DLG2: variants seen among roughly 807,000 people sequenced by gnomAD.
DLG2 encodes the protein discs large MAGUK scaffold protein 2.
DLG2 carries 45 observed loss-of-function variants against 132.5 expected under a neutral mutation model. The ratio of observed to expected loss-of-function variants is 0.34; its 90% CI spans 0.27 to 0.44. The LOEUF (loss-of-function observed/expected upper bound fraction) is 0.44, where lower values mean the gene tolerates loss of function less well. Ranked by LOEUF, DLG2 falls within the 20% of genes least tolerant of loss-of-function variation. The probability of loss-of-function intolerance (pLI) is 1.00; values close to 1 mark genes in which losing one functional copy is unlikely to be tolerated. For missense variants in DLG2, 1,045 were observed against 1,196.9 expected, an observed-to-expected ratio of 0.87 and a Z score of 1.87; for synonymous variants, 424 against 419.6, an observed-to-expected ratio of 1.01 and a Z score of -0.13.
At chr11:84,172,029 T>C (rs2095836104) in intron 8 of DLG2, among the ~76,000 whole-genome samples, 1 of 152,178 alleles carries the variant, frequency 6.6e-6, no homozygotes, top group African/African-American at 2.4e-5. Flanking sequence ...CTAAAAGACC[T>C]GGATTCCATA....
chr11:83,460,730 A>G (rs1385948908), intron 27 of DLG2, among the ~76,000 whole-genome samples: 2 of 152,252 alleles, frequency 1.3e-5, no homozygotes, highest in Admixed American at 6.5e-5. Context: ...GATGATTTAG[A>G]TATTTAAAAA....
chr11:84,477,939 T>G (rs2099126213), intron 7 of DLG2, among the ~76,000 whole-genome samples: 1 of 152,188 alleles, frequency 6.6e-6, no homozygotes, highest in South Asian at 2.1e-4. Context: ...ATTACATGTA[T>G]TCACTACTTT....
At chr11:83,888,902 T>G (rs1333891276) in intron 15 of DLG2, among the ~76,000 whole-genome samples, 1 of 152,200 alleles carries the variant, frequency 6.6e-6, no homozygotes, top group Non-Finnish European at 1.5e-5. Flanking sequence ...TGGCTAGCCA[T>G]ATGTAGAAAG....
chr11:83,965,283 G>A (rs777874767), intron 13 of DLG2, 41 bp downstream of exon 13: 2 of 1,565,336 alleles, frequency 1.3e-6, no homozygotes, highest in Non-Finnish European at 1.7e-6. Context: ...TTCCAGTTCT[G>A]CAAGTCTGGC....
At chr11:84,755,167 A>G (rs1237784345) in intron 6 of DLG2, among the ~76,000 whole-genome samples, 1 of 152,198 alleles carries the variant, frequency 6.6e-6, no homozygotes, top group Non-Finnish European at 1.5e-5. Flanking sequence ...CCTAGATGTT[A>G]CAGTGAATGT....
intron 6 of DLG2, among the ~76,000 whole-genome samples, chr11:84,915,948 C>T (rs1304534441): frequency 6.6e-6 from 1 of 152,164 alleles, no homozygotes; most frequent in African/African-American, 2.4e-5. Context: ...ACTAGGGCAG[C>T]ATCCCCTGAG....
intron 18 of DLG2, among the ~76,000 whole-genome samples, chr11:83,727,776 C>T (rs1300841166): frequency 6.6e-6 from 1 of 152,112 alleles, no homozygotes; most frequent in Non-Finnish European, 1.5e-5. Context: ...CCGAAAAATC[C>T]ACTTCGGTGA....
At chr11:85,287,986 A>G (rs1490143315) in intron 3 of DLG2, among the ~76,000 whole-genome samples, 2 of 152,248 alleles carry the variant, frequency 1.3e-5, no homozygotes, top group East Asian at 3.9e-4. Context: ...GCAAAGGACG[A>G]CATGAAAAGA....
At chr11:85,237,375 C>T (rs2075643102) in intron 4 of DLG2, among the ~76,000 whole-genome samples, 1 of 151,996 alleles carries the variant, frequency 6.6e-6, no homozygotes, top group Non-Finnish European at 1.5e-5. Flanking sequence ...AAGCTGAGAA[C>T]CAAGTACAAT....
intron 6 of DLG2, among the ~76,000 whole-genome samples, chr11:85,034,138 C>T (rs1474070304): frequency 6.7e-6 from 1 of 149,720 alleles, no homozygotes; most frequent in Non-Finnish European, 1.5e-5. Context: ...AGTGCAGTGG[C>T]GCAATTTCGG....
chr11:84,213,700 T>C (rs1326193528), intron 8 of DLG2, among the ~76,000 whole-genome samples: 1 of 151,058 alleles, frequency 6.6e-6, no homozygotes, highest in Non-Finnish European at 1.5e-5. Flanking sequence ...GCACCTGTAG[T>C]CCCAGCTACT....
chr11:83,469,146 G>T, intron 25 of DLG2, 55 bp downstream of exon 25: 2 of 1,339,046 alleles, frequency 1.5e-6, no homozygotes, highest in Non-Finnish European at 2.0e-6. Flanking sequence ...AAAAAATGCA[G>T]TTTGCAACCT....
chr11:84,477,265 TG>T (rs2099124277), intron 7 of DLG2, among the ~76,000 whole-genome samples: 1 of 151,820 alleles, frequency 6.6e-6, no homozygotes, highest in Non-Finnish European at 1.5e-5. Flanking sequence ...GAGGCTGAAG[TG>T]GGTGGATAAC....
chr11:85,607,339 C>T (rs564122351), intron 2 of DLG2, among the ~76,000 whole-genome samples: 10 of 152,236 alleles, frequency 6.6e-5, no homozygotes, highest in African/African-American at 2.2e-4. Flanking sequence ...AGCCAAGGGT[C>T]GACAGAGGGG....
At chr11:84,128,800 GA>G (rs961623247) in intron 9 of DLG2, among the ~76,000 whole-genome samples, 15 of 151,418 alleles carry the variant, frequency 9.9e-5, no homozygotes, top group East Asian at 3.9e-4. Context: ...TCACAAGGGG[GA>G]AAAAAAACAC....
At chr11:84,748,942 A>G (rs1305812850) in intron 6 of DLG2, among the ~76,000 whole-genome samples, 1 of 152,182 alleles carries the variant, frequency 6.6e-6, no homozygotes, top group African/African-American at 2.4e-5. Context: ...GGCCAAGGAG[A>G]GAGAACTGCT....
At chr11:85,310,499 C>T (rs1189138926) in intron 3 of DLG2, among the ~76,000 whole-genome samples, 1 of 152,082 alleles carries the variant, frequency 6.6e-6, no homozygotes, top group Non-Finnish European at 1.5e-5. Context: ...TCCCTTCACC[C>T]AAGAGGCCTG....
intron 9 of DLG2, among the ~76,000 whole-genome samples, chr11:84,117,932 T>A (rs2154198577): frequency 6.6e-6 from 1 of 152,280 alleles, no homozygotes; most frequent in South Asian, 2.1e-4. Flanking sequence ...CTCGGCTCAC[T>A]GTGGCCTCTG....
At chr11:83,747,567 G>A (rs1328556623) in intron 18 of DLG2, among the ~76,000 whole-genome samples, 2 of 152,106 alleles carry the variant, frequency 1.3e-5, no homozygotes, top group African/African-American at 2.4e-5. Context: ...ATGGGGTTTC[G>A]CCATGTTGCT....
Sources: allele counts gnomAD v4.1 joint callset (sites outside exome capture counted in the v4.1 genomes callset), GRCh38; gene constraint gnomAD v4.1.1; transcripts MANE v1.5; gene names NCBI Gene and HGNC (gene_info 2026-07-23, HGNC 2026-07-21).